RALGAPA1: variants seen among roughly 807,000 people sequenced by gnomAD.
RALGAPA1 encodes the protein Ral GTPase activating protein catalytic subunit alpha 1, also known as ral GTPase-activating protein subunit alpha-1.
RALGAPA1 carries 52 observed loss-of-function variants against 269.6 expected under a neutral mutation model. That is an observed-to-expected ratio of 0.19 (90% CI 0.15 to 0.24). The LOEUF (loss-of-function observed/expected upper bound fraction) is 0.24, where lower values mean the gene tolerates loss of function less well. Ranked by LOEUF, RALGAPA1 falls within the 10% of genes least tolerant of loss-of-function variation. RALGAPA1 has a pLI of 1.00. For missense variants in RALGAPA1, 1,917 were observed against 3,013.9 expected, an observed-to-expected ratio of 0.64 and a Z score of 8.52; for synonymous variants, 817 against 1,008.3, an observed-to-expected ratio of 0.81 and a Z score of 3.60.
intron 39 of RALGAPA1, among the ~76,000 whole-genome samples, chr14:35,564,916 C>T (rs1483960719): frequency 1.3e-5 from 2 of 152,106 alleles, no homozygotes; most frequent in East Asian, 1.9e-4. Context: ...CCTTGGAACT[C>T]TTATAGCATT....
At chr14:35,625,233 C>A in intron 35 of RALGAPA1, 128 bp downstream of exon 35, 367 of 353,666 alleles carry the variant, frequency 1.0e-3, no homozygotes, top group Middle Eastern at 3.6e-3. Flanking sequence ...CCTTAAAAAA[C>A]TTTTGCTCAG....
intron 19 of RALGAPA1, 24 bp downstream of exon 19, chr14:35,686,518 C>T (rs746629040): frequency 6.3e-7 from 1 of 1,579,630 alleles, no homozygotes; most frequent in Admixed American, 1.9e-5. Context: ...CTCTATAAAA[C>T]CAAATATATA....
rs114740233 is a variant in RALGAPA1, at chr14:35,758,295, T to C, written c.548-1387A>G. On this transcript the variant is annotated intron_variant, in intron 6 of 41. Transcript: ENST00000680220. ...ACCGAAAAGAAAAGAAGTAAGAAAATACAAACTTTATCATCTGTACTCTGG... is the reference window on the plus strand; with the variant it reads ...ACCGAAAAGAAAAGAAGTAAGAAAACACAAACTTTATCATCTGTACTCTGG... Among the ~76,000 whole-genome samples, 761 of 89,616 alleles carry C rather than the reference T, an allele frequency of 8.5e-3. 10 individuals carry two copies. The highest frequency in any genetic ancestry group is 0.03 in the African/African-American group (710 of 23,800). 58.8% of individuals were successfully genotyped at this position (89,616 alleles called of 152,430 possible). A position where few individuals can be genotyped will look rare whatever the true frequency, so the allele number is the denominator to read the frequency against.
At chr14:35,657,332 G>A (rs2063242904) in intron 28 of RALGAPA1, among the ~76,000 whole-genome samples, 1 of 151,728 alleles carries the variant, frequency 6.6e-6, no homozygotes, top group Non-Finnish European at 1.5e-5. Flanking sequence ...GGGACTACAG[G>A]GGCACGCTAC....
At chr14:35,606,947 T>G (rs1360701102) in intron 35 of RALGAPA1, among the ~76,000 whole-genome samples, 2 of 152,152 alleles carry the variant, frequency 1.3e-5, no homozygotes, top group East Asian at 3.8e-4. Context: ...GATGAGCACA[T>G]AGGCAAACTT....
At chr14:35,570,861 A>G (rs1461522404) in intron 38 of RALGAPA1, 117 bp from the exon 39 acceptor site, 2 of 930,148 alleles carry the variant, frequency 2.2e-6, no homozygotes, top group Admixed American at 6.3e-5. Flanking sequence ...TTCTTCCTTC[A>G]GTAAAAATAC....
At chr14:35,724,161 C>A (rs184538786) in intron 14 of RALGAPA1, among the ~76,000 whole-genome samples, 54 of 152,140 alleles carry the variant, frequency 3.5e-4, no homozygotes, top group African/African-American at 1.3e-3. Context: ...CTCCCATCAT[C>A]GGGTTAGCTC....
intron 37 of RALGAPA1, among the ~76,000 whole-genome samples, chr14:35,580,191 G>A (rs1258620277): frequency 2.6e-5 from 4 of 152,124 alleles, no homozygotes; most frequent in Admixed American, 2.6e-4. Context: ...ACATAGACTA[G>A]AGAGTTCAAC....
intron 37 of RALGAPA1, among the ~76,000 whole-genome samples, chr14:35,595,200 G>C (rs147024408): frequency 2.0e-5 from 3 of 151,942 alleles, no homozygotes; most frequent in Non-Finnish European, 4.4e-5. Flanking sequence ...CAAAGTAGCA[G>C]ATATGTAGGA....
At chr14:35,747,260 T>C (rs1055720441) in intron 10 of RALGAPA1, among the ~76,000 whole-genome samples, 4 of 152,210 alleles carry the variant, frequency 2.6e-5, no homozygotes, top group African/African-American at 9.6e-5. Context: ...GAGGATGTGA[T>C]AAGCTTTGTC....
intron 1 of RALGAPA1, among the ~76,000 whole-genome samples, chr14:35,781,861 CAACT>C (rs764243117): frequency 6.4e-4 from 97 of 152,268 alleles, no homozygotes; most frequent in Non-Finnish European, 9.9e-4. Flanking sequence ...GAAACGGTCA[CAACT>C]AACAACACAC....
At chr14:35,692,583 A>G (rs1391196566) in intron 17 of RALGAPA1, among the ~76,000 whole-genome samples, 1 of 151,694 alleles carries the variant, frequency 6.6e-6, no homozygotes, top group African/African-American at 2.4e-5. Context: ...AAAAAAAAAA[A>G]TGTAACTGGT....
At chr14:35,682,305 GTT>G (rs943991657) in intron 21 of RALGAPA1, among the ~76,000 whole-genome samples, 3 of 144,046 alleles carry the variant, frequency 2.1e-5, no homozygotes, top group Non-Finnish European at 4.6e-5. Flanking sequence ...TCAGTGTGTG[GTT>G]TTTTTTTTTT....
chr14:35,767,240 G>A (rs2074231723), intron 4 of RALGAPA1: 1 of 165,376 alleles, frequency 6.0e-6, no homozygotes, highest in African/African-American at 2.4e-5. Flanking sequence ...TCACATAATT[G>A]CCATACATTA....
chr14:35,718,350 T>A (rs59505918), intron 16 of RALGAPA1, among the ~76,000 whole-genome samples: 3,441 of 152,318 alleles, frequency 0.023, 128 homozygotes, highest in South Asian at 0.14. Flanking sequence ...AGATTTTATA[T>A]GTTATGCTAT....
intron 31 of RALGAPA1, among the ~76,000 whole-genome samples, chr14:35,641,411 CA>C (rs1175256808): frequency 6.6e-6 from 1 of 152,112 alleles, no homozygotes; most frequent in Non-Finnish European, 1.5e-5. Flanking sequence ...CTGCAGGATA[CA>C]AAATCAACAT....
At chr14:35,545,472 T>C (rs545049345) in intron 41 of RALGAPA1, among the ~76,000 whole-genome samples, 174 of 152,200 alleles carry the variant, frequency 1.1e-3, no homozygotes, top group African/African-American at 3.8e-3. Context: ...TTATTAATTT[T>C]ATAATATTGC....
At chr14:35,620,355 G>GT (rs1229959879) in intron 35 of RALGAPA1, among the ~76,000 whole-genome samples, 2 of 151,978 alleles carry the variant, frequency 1.3e-5, no homozygotes, top group Non-Finnish European at 2.9e-5. Flanking sequence ...CTGATGCAAC[G>GT]TATCTCAAAA....
At position 35,770,997 on chromosome 14, in the gene RALGAPA1, T is replaced by A. The variant is rs752245625; in HGVS notation, c.270A>T (p.Lys90Asn). Reference sequence around the variant, plus strand: ...TTCTTTCTGGAAGAAGTTGTAAAATTTTCTAAAAATCAATATAAAGAGAAA... The same window carrying A: ...TTCTTTCTGGAAGAAGTTGTAAAATATTCTAAAAATCAATATAAAGAGAAA... The part of the protein sequence containing the change: ...ELDAILFIFE[K>N]ILQLLPERIH... Residue 90 changes from lysine (K) to asparagine (N), a missense_variant and splice_region_variant, in exon 4 of 42, where the codon AAA becomes AAT. Transcript: ENST00000680220. The A allele has an allele frequency of 7.4e-7, 1 of 1,345,874 alleles. No individual in the cohort carries two copies. The highest frequency in any genetic ancestry group is 1.0e-6 in the Non-Finnish European group (1 of 966,322). The allele number at this position is 1,345,874 out of a possible 1,614,324, so 83.4% of individuals were successfully genotyped here.
Sources: gnomAD v4.1 joint callset for allele counts (sites outside exome capture counted in the v4.1 genomes callset) on GRCh38, gnomAD v4.1.1 for gene constraint, MANE v1.5 for transcripts, NCBI Gene and HGNC (gene_info 2026-07-23, HGNC 2026-07-21) for gene names.